The following LYST variants were observed in gnomAD, a reference collection of about 807,000 sequenced individuals.
LYST encodes lysosomal-trafficking regulator.
A neutral mutation model predicts 413.6 loss-of-function variants in LYST; 192 were observed. That is an observed-to-expected ratio of 0.46 (90% confidence interval 0.41 to 0.52). The LOEUF is 0.52. LYST is among the 20% of genes least tolerant of loss of function. The pLI is 0.00. For synonymous variants in LYST, 1,525 were observed against 1,567.3 expected (o/e 0.97, Z 0.64); for missense variants, 3,815 against 4,499.9 (o/e 0.85, Z 4.35).
intron 1 of LYST, among the ~76,000 whole-genome samples, chr1:235,865,482 G>A (rs1680408186): frequency 6.6e-6 from 1 of 152,188 alleles, no homozygotes; most frequent in African/African-American, 2.4e-5. Context: ...CACGCAGTAG[G>A]TGCTCAATAA....
intron 1 of LYST, among the ~76,000 whole-genome samples, chr1:235,836,682 G>A (rs965138091): frequency 6.6e-6 from 1 of 152,134 alleles, no homozygotes; most frequent in Admixed American, 6.6e-5. Flanking sequence ...AAATAGAAGT[G>A]TTCCCCTGAA....
intron 3 of LYST, among the ~76,000 whole-genome samples, chr1:235,817,151 A>G (rs1674223108): frequency 1.3e-5 from 2 of 152,192 alleles, no homozygotes; most frequent in South Asian, 4.1e-4. Context: ...AGAGAAATGC[A>G]AATCAAAACC....
Position 235,808,758 on chromosome 1 carries a change from A to G in LYST, c.2060T>C (p.Leu687Ser). ...ILPSSGSEDL[L>S]WKWDALKAYQ... ...AGCCTTTAAAGCATCCCATTTCCAC[A>G]ACAAATCTTCAGATCCACTGCTGGG... Residue 687 changes from leucine (L) to serine (S), a missense_variant, in exon 5 of 53, where the codon TTG becomes TCG. By Grantham distance (145) the Leu-to-Ser change is moderately radical. Around this residue, in one of 4 missense-constraint regions of LYST, gnomAD observed 1,648 missense variants for 1,810.3 expected, o/e 0.91. Transcript: ENST00000389793. The G allele has an allele frequency of 6.2e-7, 1 of 1,614,014 alleles. No homozygotes were observed. Among genetic ancestry groups the G allele is most frequent in the Non-Finnish European group, 8.5e-7 (1 of 1,179,980 alleles).
At chr1:235,697,450 G>A (rs1251416422) in intron 45 of LYST, among the ~76,000 whole-genome samples, 178 bp from the exon 46 acceptor site, 2 of 151,848 alleles carry the variant, frequency 1.3e-5, no homozygotes, top group East Asian at 1.9e-4. Context: ...AGAAATATTT[G>A]TCCCTTATTT....
chr1:235,707,929 C>A (rs939216785), intron 44 of LYST, among the ~76,000 whole-genome samples: 44 of 151,988 alleles, frequency 2.9e-4, no homozygotes, highest in Non-Finnish European at 2.1e-4. Context: ...TATTCTTAAT[C>A]CAAAAATCTG....
Position 235,774,945 on chromosome 1 carries a change from G to T in LYST, c.5602C>A (p.Gln1868Lys), listed in dbSNP as rs1460775273. 6.2e-7 allele frequency: 1 copy of T among 1,609,948 alleles called. No individual in the cohort carries two copies. The highest frequency in any genetic ancestry group is 8.5e-7 in the Non-Finnish European group (1 of 1,178,378). Residue 1868 changes from glutamine (Q) to lysine (K), a missense_variant, in exon 18 of 53, where the codon CAA becomes AAA. Gln to Lys is a moderately conservative substitution (Grantham distance 53). Coordinates refer to ENST00000389793, the MANE Select transcript of LYST (RefSeq NM_000081.4). ...LSMIHQVLIK[Q>K]KCIVGFYILK... ...ATGTAAAACCCAACAATGCATTTTT[G>T]TTTGATCAACACCTGATGAATCATA...
intron 34 of LYST, among the ~76,000 whole-genome samples, chr1:235,732,084 C>A (rs762068617): frequency 3.8e-4 from 57 of 151,310 alleles, no homozygotes; most frequent in Non-Finnish European, 6.5e-4. Flanking sequence ...TTAAAACGTG[C>A]ATCTGTTTTT....
intron 38 of LYST, among the ~76,000 whole-genome samples, chr1:235,726,254 T>C (rs561162706): frequency 1.8e-4 from 27 of 148,458 alleles, no homozygotes; most frequent in Non-Finnish European, 3.6e-4. Flanking sequence ...AAAACCTTAA[T>C]TTTTTTTTTT....
chr1:235,683,339 G>C (rs1558112083), intron 48 of LYST, among the ~76,000 whole-genome samples: 2 of 152,204 alleles, frequency 1.3e-5, no homozygotes, highest in Non-Finnish European at 2.9e-5. Context: ...TCTCAAGTTA[G>C]ATAACAGATA....
At chr1:235,810,831 T>A (rs1003224084) in intron 4 of LYST, among the ~76,000 whole-genome samples, 1 of 152,176 alleles carries the variant, frequency 6.6e-6, no homozygotes, top group Non-Finnish European at 1.5e-5. Context: ...CTTCAAAGGA[T>A]ACAAACTGAT....
At chr1:235,779,701 T>C (rs1470129271) in intron 16 of LYST, among the ~76,000 whole-genome samples, 1 of 152,178 alleles carries the variant, frequency 6.6e-6, no homozygotes, top group Non-Finnish European at 1.5e-5. Flanking sequence ...TATAATAGTG[T>C]TCATGTACTG....
At position 235,668,739 on chromosome 1, in the gene LYST, T is replaced by G. The variant is rs146029844; in HGVS notation, c.11039-4118A>C. On this transcript the variant is annotated intron_variant, in intron 50 of 52. Coordinates refer to ENST00000389793, the MANE Select transcript of LYST (RefSeq NM_000081.4). The stretch of plus-strand genomic sequence containing the variant: ...AAAGTAGAGAACTCCATATAAACAA[T>G]CATTATATTATTTCCCCAGTATTCC... Among the ~76,000 whole-genome samples, 733 of 152,308 alleles carry G rather than the reference T, an allele frequency of 4.8e-3. 3 individuals are homozygous for G. Among genetic ancestry groups the G allele is most frequent in the Non-Finnish European group, 7.6e-3 (518 of 68,026 alleles).
At chr1:235,669,759 T>C (rs1423834824) in intron 50 of LYST, among the ~76,000 whole-genome samples, 2 of 152,208 alleles carry the variant, frequency 1.3e-5, no homozygotes, top group Non-Finnish European at 1.5e-5. Flanking sequence ...CTGCCGAGTG[T>C]ACTTTCATTT....
At chr1:235,732,512 A>C (rs567627931) in intron 34 of LYST, among the ~76,000 whole-genome samples, 1 of 152,302 alleles carries the variant, frequency 6.6e-6, no homozygotes, top group African/African-American at 2.4e-5. Context: ...AATCACTAAA[A>C]TAGGATAACT....
In LYST at chr1:235,806,694, A is replaced by T. The variant is rs377213567; in HGVS notation, c.2442T>A (p.Ser814Arg). The stretch of plus-strand genomic sequence containing the variant: ...GAGTTTCAAATGCTTTTAGAGAATG[A>T]CTTCGAATACCATTTAAGCAATTTA... ...IELNCLNGIR[S>R]HSLKAFETLI... is the part of the protein sequence containing the mutation. Residue 814 changes from serine (S) to arginine (R), a missense_variant, in exon 6 of 53, where the codon AGT becomes AGA. Around this residue, in one of 4 missense-constraint regions of LYST, gnomAD observed 1,648 missense variants for 1,810.3 expected, o/e 0.91. Transcript: ENST00000389793. 1.4e-4 allele frequency: 226 copies of T among 1,613,298 alleles called. No homozygotes were observed. The highest frequency in any genetic ancestry group is 1.7e-4 in the Non-Finnish European group (204 of 1,179,382).
Position 235,674,358 on chromosome 1 carries a change from C to A in LYST, c.11038+2733G>T, listed in dbSNP as rs547672544. Among the ~76,000 whole-genome samples the A allele has an allele frequency of 6.6e-6, 1 of 151,692 alleles. No individual in the cohort carries two copies. The highest frequency in any genetic ancestry group is 1.5e-5 in the Non-Finnish European group (1 of 67,968). On this transcript the variant is annotated intron_variant, in intron 50 of 52. Coordinates refer to ENST00000389793, the MANE Select transcript of LYST (RefSeq NM_000081.4). The surrounding 1 kb of genome is among the most constrained non-coding windows in gnomAD (Gnocchi z 4.1). ...TTGCGCTCTAATCCAATTAGCCATCCCTTTCACCCTGGCATTTCATCAACC... is the reference window on the plus strand; with the variant it reads ...TTGCGCTCTAATCCAATTAGCCATCACTTTCACCCTGGCATTTCATCAACC...
In LYST at chr1:235,779,997, A is replaced by G. The variant is rs186154983; in HGVS notation, c.5214+868T>C. On this transcript the variant is annotated intron_variant, in intron 16 of 52. Coordinates refer to ENST00000389793, the MANE Select transcript of LYST (RefSeq NM_000081.4). Reference sequence around the variant, plus strand: ...AAAAATCCTCACCACTAGCTCCTACATTATATACTGGTAGAACAAAATATT... The same window carrying G: ...AAAAATCCTCACCACTAGCTCCTACGTTATATACTGGTAGAACAAAATATT... Among the ~76,000 whole-genome samples, 13 of 152,314 alleles carry G rather than the reference A, an allele frequency of 8.5e-5. No individual in the cohort carries two copies. In the East Asian group the frequency reaches 1.5e-3, roughly 18 times the overall value.
Position 235,758,992 on chromosome 1 carries a change from G to C in LYST, c.6861C>G (p.Asn2287Lys). 6.2e-7 allele frequency: 1 copy of C among 1,614,026 alleles called. No individual in the cohort carries two copies. The highest frequency in any genetic ancestry group is 8.5e-7 in the Non-Finnish European group (1 of 1,179,952). ...AYSLGYEPNY[N>K]RTASAHSVTE... The stretch of plus-strand genomic sequence containing the variant: ...AGTACCTGTGAGCACTTGCAGTTCG[G>C]TTGTAATTTGGCTCATAACCAAGAG... Residue 2287 changes from asparagine to lysine, a missense_variant, in exon 23 of 53, where the codon AAC becomes AAG. Asn to Lys is a moderately conservative substitution (Grantham distance 94, BLOSUM62 0). This residue lies in a region of LYST where 771 missense variants were observed against 837.1 expected (regional missense o/e 0.92). Transcript: ENST00000389793.
intron 8 of LYST, 99 bp from the exon 9 acceptor site, chr1:235,801,196 T>G (rs1672178518): frequency 1.2e-6 from 1 of 800,932 alleles, no homozygotes; most frequent in Non-Finnish European, 2.2e-6. Context: ...AAATAGTAAT[T>G]CAGAGGATGC....
Sources: allele counts gnomAD v4.1 joint callset (sites outside exome capture counted in the v4.1 genomes callset), GRCh38; gene constraint gnomAD v4.1.1; regional missense constraint gnomAD v4.1.1; non-coding constraint Gnocchi (gnomAD v3.1); transcripts MANE v1.5; gene names NCBI Gene and HGNC (gene_info 2026-07-23, HGNC 2026-07-21).